KPNA4: variants seen among roughly 807,000 people sequenced by gnomAD.
KPNA4 encodes the protein karyopherin subunit alpha 4.
KPNA4 carries 13 observed loss-of-function variants against 71.3 expected under a neutral mutation model. The observed-to-expected ratio is 0.18, with a 90% confidence interval of 0.12 to 0.29. The LOEUF (loss-of-function observed/expected upper bound fraction) is 0.29, where lower values mean the gene tolerates loss of function less well. Among genes scored for constraint, KPNA4 ranks in the 10% least tolerant of loss-of-function variants. The pLI is 1.00. For synonymous variants in KPNA4, 189 were observed against 195.2 expected, an observed-to-expected ratio of 0.97 and a Z score of 0.26; for missense variants, 334 against 603.2, an observed-to-expected ratio of 0.55 and a Z score of 4.67.
chr3:160,553,538 G>A (rs1039935035), intron 1 of KPNA4, among the ~76,000 whole-genome samples: 1 of 152,142 alleles, frequency 6.6e-6, no homozygotes, highest in Non-Finnish European at 1.5e-5. Context: ...AATCCTACCT[G>A]ACATGTCTTG....
intron 5 of KPNA4, among the ~76,000 whole-genome samples, chr3:160,533,280 G>A (rs944949646): frequency 5.9e-5 from 9 of 151,882 alleles, no homozygotes; most frequent in South Asian, 2.1e-4. Context: ...TGGCCTCGGC[G>A]TCCCAAACTG....
At chr3:160,543,125 C>T (rs1051416752) in intron 1 of KPNA4, among the ~76,000 whole-genome samples, 3 of 152,052 alleles carry the variant, frequency 2.0e-5, no homozygotes, top group African/African-American at 7.2e-5. Context: ...ATCTTTTGCA[C>T]GAGGTTACAT....
rs1197206678 is a variant in KPNA4, at chr3:160,565,245, T to C, written c.38A>G (p.Lys13Arg). The change falls in exon 1 of 17, where the codon AAG (lysine) becomes AGG (arginine). Residue 13 changes from lysine (K) to arginine (R), a missense_variant. By Grantham distance (26) the Lys-to-Arg change is conservative (BLOSUM62 2). Transcript: ENST00000334256. Reference protein sequence around the residue: ...DNEKLDNQRLKNFKNKGRDLE... With the variant: ...DNEKLDNQRLRNFKNKGRDLE... ...GTCGCGGCCTTTGTTCTTGAAATTCTTGAGCCGTTGGTTGTCCAGTTTCTC... is the reference window on the plus strand; with the variant it reads ...GTCGCGGCCTTTGTTCTTGAAATTCCTGAGCCGTTGGTTGTCCAGTTTCTC... 6.2e-7 allele frequency: 1 copy of C among 1,610,178 alleles called. No individual in the cohort carries two copies.
At chr3:160,543,136 A>G (rs533093818) in intron 1 of KPNA4, among the ~76,000 whole-genome samples, 33 of 152,298 alleles carry the variant, frequency 2.2e-4, no homozygotes, top group African/African-American at 7.5e-4. Context: ...GAGGTTACAT[A>G]TGATAGAAGA....
chr3:160,534,916 G>A (rs2108553518), intron 5 of KPNA4, among the ~76,000 whole-genome samples: 1 of 151,676 alleles, frequency 6.6e-6, no homozygotes, highest in African/African-American at 2.4e-5. Flanking sequence ...TAGAGACGGG[G>A]TTTCAGTATG....
intron 1 of KPNA4, among the ~76,000 whole-genome samples, chr3:160,551,106 C>G (rs1179455323): frequency 6.6e-6 from 1 of 152,150 alleles, no homozygotes; most frequent in Non-Finnish European, 1.5e-5. Flanking sequence ...ACCAGTGAAG[C>G]CAATGATCCT....
At chr3:160,515,078 C>T (rs1427480979) in intron 12 of KPNA4, 3 of 519,256 alleles carry the variant, frequency 5.8e-6, no homozygotes, top group Non-Finnish European at 1.2e-5. Context: ...CCAGTCAGTG[C>T]CCCCTTTCCA....
At chr3:160,535,721 T>TA in intron 3 of KPNA4, 31 bp from the exon 4 acceptor site, 1 of 1,572,882 alleles carries the variant, frequency 6.4e-7, no homozygotes, top group East Asian at 2.3e-5. Flanking sequence ...AAAACTCAGT[T>TA]AAAAAGTCAC....
At chr3:160,517,221 T>G (rs1721247744) in intron 11 of KPNA4, among the ~76,000 whole-genome samples, 1 of 152,062 alleles carries the variant, frequency 6.6e-6, no homozygotes, top group Non-Finnish European at 1.5e-5. Flanking sequence ...CAAAATGTAT[T>G]TGGCCTTTTT....
intron 1 of KPNA4, among the ~76,000 whole-genome samples, chr3:160,552,894 T>C (rs956435581): frequency 2.6e-5 from 4 of 152,166 alleles, no homozygotes; most frequent in South Asian, 2.1e-4. Flanking sequence ...AGGACCAAAT[T>C]TGGTATGGCC....
At chr3:160,509,151 T>C (rs1229316967) in intron 14 of KPNA4, among the ~76,000 whole-genome samples, 1 of 152,208 alleles carries the variant, frequency 6.6e-6, no homozygotes, top group East Asian at 1.9e-4. Context: ...TGGCACAATG[T>C]TAAGCTTTGT....
chr3:160,519,448 A>C (rs1282582266), intron 11 of KPNA4, among the ~76,000 whole-genome samples: 1 of 152,214 alleles, frequency 6.6e-6, no homozygotes, highest in Non-Finnish European at 1.5e-5. Flanking sequence ...TACTGACTGA[A>C]TATTTAACAT....
In KPNA4 at chr3:160,525,826, C is replaced by T; in HGVS notation, c.745G>A (p.Val249Ile). The T allele has an allele frequency of 1.3e-6, 2 of 1,568,968 alleles. No homozygotes were observed. The highest frequency in any genetic ancestry group is 1.7e-6 in the Non-Finnish European group (2 of 1,157,748). Residue 249 changes from valine to isoleucine, a missense_variant, in exon 10 of 17, where the codon GTT becomes ATT. Coordinates refer to ENST00000334256, the MANE Select transcript of KPNA4 (RefSeq NM_002268.5). ...TTTACATCTGTGTGATGAATTAAAA[C>T]ACAAAGGGCTGGAAGAATCTGAGGA... is the stretch of plus-strand genomic sequence containing the variant. ...TIQEILPALCVLIHHTDVNIL... is the reference protein window; with the variant it reads ...TIQEILPALCILIHHTDVNIL...
At chr3:160,534,270 G>T (rs1315322536) in intron 5 of KPNA4, among the ~76,000 whole-genome samples, 1 of 152,200 alleles carries the variant, frequency 6.6e-6, no homozygotes, top group African/African-American at 2.4e-5. Flanking sequence ...TCAACATAGG[G>T]TGTTATTCTT....
intron 13 of KPNA4, among the ~76,000 whole-genome samples, chr3:160,513,341 A>T (rs1012045231): frequency 7.1e-6 from 1 of 141,332 alleles, no homozygotes; most frequent in African/African-American, 2.6e-5. Flanking sequence ...CCACAGCCTC[A>T]ACCTCCCGGA....
At chr3:160,515,078 C>A (rs1427480979) in intron 12 of KPNA4, 2 of 519,374 alleles carry the variant, frequency 3.9e-6, no homozygotes, top group South Asian at 2.8e-5. Context: ...CCAGTCAGTG[C>A]CCCCTTTCCA....
rs1721554268 is a variant in KPNA4 at position 160,530,595 on chromosome 3, A to G, written c.469+260T>C. Among the ~76,000 whole-genome samples, 4 of 152,362 alleles carry G rather than the reference A, an allele frequency of 2.6e-5. No homozygotes were observed. The South Asian group carries it at 8.3e-4, about 32-fold the overall frequency. The stretch of plus-strand genomic sequence containing the variant: ...TGATGTCCTATAAATAAAGTGTAAC[A>G]ATAATAATGTAATCTGCTACTATAA... On this transcript the variant is annotated intron_variant, in intron 7 of 16. Transcript: ENST00000334256.
chr3:160,499,759 A>G lies in KPNA4; in HGVS notation c.*2345T>C, dbSNP rs538836961. 4 of 152,250 alleles carry G rather than the reference A, an allele frequency of 2.6e-5. No individual in the cohort carries two copies. Among genetic ancestry groups the G allele is most frequent in the African/African-American group, 7.2e-5 (3 of 41,564 alleles). The allele number at this position is 152,250 out of a possible 1,614,324, so 9.4% of individuals were successfully genotyped here. ...CTCATTGGCTTACTTTGAATCCAAT[A>G]TTTTTTACTAAAAAACACAAATTAT... On this transcript the variant is annotated 3_prime_UTR_variant, in exon 17 of 17. Transcript: ENST00000334256.
At chr3:160,561,696 C>T (rs981027011) in intron 1 of KPNA4, among the ~76,000 whole-genome samples, 6 of 152,004 alleles carry the variant, frequency 3.9e-5, no homozygotes, top group African/African-American at 1.4e-4. Context: ...CTAAACTGCC[C>T]TTCAATGAGC....
Sources: gnomAD v4.1 joint callset for allele counts (sites outside exome capture counted in the v4.1 genomes callset) on GRCh38, gnomAD v4.1.1 for gene constraint, MANE v1.5 for transcripts, NCBI Gene and HGNC (gene_info 2026-07-23, HGNC 2026-07-21) for gene names.